Variants in TMEM266 observed in about 807,000 individuals in gnomAD.
TMEM266 encodes Hv1 related protein 1.
TMEM266 carries 33 observed loss-of-function variants against 50.5 expected under a neutral mutation model. The observed-to-expected ratio is 0.65, with a 90% CI of 0.50 to 0.87. TMEM266 has a LOEUF of 0.87. Ranked by LOEUF, TMEM266 falls within the 40% of genes least tolerant of loss-of-function variation. The probability of loss-of-function intolerance (pLI) is 0.00; values close to 1 mark genes in which losing one functional copy is unlikely to be tolerated. For synonymous variants in TMEM266, 310 were observed against 292.3 expected, an observed-to-expected ratio of 1.06 and a Z score of -0.62; for missense variants, 655 against 695.1, an observed-to-expected ratio of 0.94 and a Z score of 0.65.
intron 4 of TMEM266, among the ~76,000 whole-genome samples, chr15:76,158,884 C>CAG (rs1489585615): frequency 6.6e-6 from 1 of 152,228 alleles, no homozygotes; most frequent in Non-Finnish European, 1.5e-5. Context: ...CAGCCGTCTT[C>CAG]CCCTGGCTAC....
intron 1 of TMEM266, among the ~76,000 whole-genome samples, chr15:76,076,550 A>T (rs2036610304): frequency 6.6e-6 from 1 of 152,088 alleles, no homozygotes; most frequent in Non-Finnish European, 1.5e-5. Flanking sequence ...CTTATTTGAG[A>T]AAGAAAATCC....
intron 1 of TMEM266, among the ~76,000 whole-genome samples, chr15:76,125,420 A>G (rs2037406463): frequency 6.6e-6 from 1 of 152,048 alleles, no homozygotes; most frequent in South Asian, 2.1e-4. Flanking sequence ...TTAAAATCCA[A>G]TATATATAAG....
chr15:76,089,516 G>T (rs1230419883), intron 1 of TMEM266, among the ~76,000 whole-genome samples: 1 of 152,076 alleles, frequency 6.6e-6, no homozygotes, highest in Non-Finnish European at 1.5e-5. Flanking sequence ...TAGCTGAATT[G>T]TAGAATTCGT....
At chr15:76,190,915 G>A (rs2038558117) in intron 8 of TMEM266, among the ~76,000 whole-genome samples, 1 of 152,150 alleles carries the variant, frequency 6.6e-6, no homozygotes, top group Non-Finnish European at 1.5e-5. Flanking sequence ...GAAGCGGTGC[G>A]AGGCGTGCGG....
chr15:76,084,099 G>T (rs1030015627), intron 1 of TMEM266, among the ~76,000 whole-genome samples: 1 of 152,140 alleles, frequency 6.6e-6, no homozygotes, highest in East Asian at 1.9e-4. Context: ...GATCACCAGA[G>T]CCCAGGAGTT....
rs1450023097 is a variant in TMEM266, at chr15:76,139,696, T to C, written c.227+1801T>C. On this transcript the variant is annotated intron_variant, in intron 3 of 10. Transcript: ENST00000388942. The surrounding 1 kb of genome is among the most constrained non-coding windows in gnomAD (Gnocchi z 4.1). ...GTGGTCAAAAGCAGTAGTGCAGCCTTCTAACATGCCCTAGCTATTTCGGAG... is the reference window on the plus strand; with the variant it reads ...GTGGTCAAAAGCAGTAGTGCAGCCTCCTAACATGCCCTAGCTATTTCGGAG... Among the ~76,000 whole-genome samples, 2 of 152,244 alleles carry C rather than the reference T, an allele frequency of 1.3e-5. No individual in the cohort carries two copies. The highest frequency in any genetic ancestry group is 2.9e-5 in the Non-Finnish European group (2 of 68,042).
intron 1 of TMEM266, among the ~76,000 whole-genome samples, chr15:76,084,498 G>A (rs1291197362): frequency 6.6e-6 from 1 of 152,178 alleles, no homozygotes; most frequent in African/African-American, 2.4e-5. Context: ...GAAATAGCAA[G>A]TGATGAGTTT....
intron 4 of TMEM266, among the ~76,000 whole-genome samples, chr15:76,159,027 G>T (rs72736828): frequency 4.6e-5 from 7 of 152,144 alleles, no homozygotes; most frequent in Admixed American, 1.3e-4. Context: ...GCCCTGGGGG[G>T]GGTTCTGAGC....
intron 3 of TMEM266, among the ~76,000 whole-genome samples, chr15:76,155,238 C>G (rs778498023): frequency 1.3e-4 from 20 of 152,234 alleles, no homozygotes; most frequent in Non-Finnish European, 2.4e-4. Context: ...GGATGCCTAG[C>G]TCTTCCTCAG....
At chr15:76,198,766 C>T (rs1480793015) in intron 9 of TMEM266, among the ~76,000 whole-genome samples, 2 of 152,244 alleles carry the variant, frequency 1.3e-5, no homozygotes, top group African/African-American at 4.8e-5. Flanking sequence ...AACCGCAGCC[C>T]AAGTGTTCAG....
chr15:76,127,408 C>A (rs941085026), intron 1 of TMEM266, among the ~76,000 whole-genome samples: 1 of 151,664 alleles, frequency 6.6e-6, no homozygotes, highest in Non-Finnish European at 1.5e-5. Flanking sequence ...CTCACTGCAG[C>A]CTCAAACTCC....
chr15:76,126,532 G>T (rs2037425901), intron 1 of TMEM266, among the ~76,000 whole-genome samples: 1 of 148,990 alleles, frequency 6.7e-6, no homozygotes. Flanking sequence ...CTTATAGTTA[G>T]AATTTTTTTT....
intron 9 of TMEM266, among the ~76,000 whole-genome samples, chr15:76,199,539 C>T (rs923743665): frequency 2.9e-5 from 4 of 138,080 alleles, no homozygotes; most frequent in African/African-American, 1.0e-4. Flanking sequence ...CAGAGAAGAC[C>T]TGGGTGTCCG....
At chr15:76,179,395 T>C (rs1266022298) in intron 8 of TMEM266, among the ~76,000 whole-genome samples, 1 of 152,060 alleles carries the variant, frequency 6.6e-6, no homozygotes, top group African/African-American at 2.4e-5. Flanking sequence ...ACACACCCAT[T>C]TTACAAATAA....
chr15:76,175,725 G>A (rs1280657051), intron 8 of TMEM266, 51 bp downstream of exon 8: 8 of 1,459,190 alleles, frequency 5.5e-6, no homozygotes, highest in Admixed American at 3.4e-5. Flanking sequence ...GGGGACACTG[G>A]TAGTGCCTAA....
At chr15:76,111,168 C>G (rs935724580) in intron 1 of TMEM266, among the ~76,000 whole-genome samples, 3 of 151,586 alleles carry the variant, frequency 2.0e-5, no homozygotes, top group African/African-American at 7.3e-5. Flanking sequence ...GCAACCTTTG[C>G]CTCCTGGGTT....
chr15:76,135,948 T>TC (rs1212895258), intron 2 of TMEM266, among the ~76,000 whole-genome samples: 4 of 151,694 alleles, frequency 2.6e-5, no homozygotes, highest in Admixed American at 6.6e-5. Context: ...GTGGGTTTTT[T>TC]TTTTTTTCTT....
intron 7 of TMEM266, chr15:76,174,842 G>T (rs113890873): frequency 6.6e-6 from 1 of 152,298 alleles, no homozygotes; most frequent in Non-Finnish European, 1.5e-5. Context: ...GTTGTGGCTG[G>T]TGGCGGGACT....
chr15:76,119,721 C>T (rs1469179384), intron 1 of TMEM266, among the ~76,000 whole-genome samples: 1 of 151,822 alleles, frequency 6.6e-6, no homozygotes, highest in Non-Finnish European at 1.5e-5. Context: ...GAGCCGAGAT[C>T]GTGCCACAGC....
Sources: gnomAD v4.1 joint callset for allele counts (sites outside exome capture counted in the v4.1 genomes callset) on GRCh38, gnomAD v4.1.1 for gene constraint, Gnocchi (gnomAD v3.1) non-coding constraint, MANE v1.5 for transcripts, NCBI Gene and HGNC (gene_info 2026-07-23, HGNC 2026-07-21) for gene names.